IFT140: variants seen among roughly 807,000 people sequenced by gnomAD.
The protein encoded by IFT140 is intraflagellar transport 140.
Under a neutral mutation model 164.6 loss-of-function variants are expected in IFT140, and 133 were observed. The ratio of observed to expected loss-of-function variants is 0.81; its 90% CI spans 0.70 to 0.93. The LOEUF (loss-of-function observed/expected upper bound fraction) is 0.93. Among genes scored for constraint, IFT140 ranks in the 40% least tolerant of loss-of-function variants. IFT140 has a pLI of 0.00. For synonymous variants in IFT140, 860 were observed against 817.3 expected (o/e 1.05, Z -0.89); for missense variants, 2,045 against 1,972.3 (o/e 1.04, Z -0.70).
At chr16:1,575,890 G>A (rs1027763485) in intron 13 of IFT140, among the ~76,000 whole-genome samples, 3 of 152,104 alleles carry the variant, frequency 2.0e-5, no homozygotes, top group African/African-American at 7.2e-5. Flanking sequence ...ACTGGTGCCT[G>A]CACAGCCCCA....
At chr16:1,519,541 G>A (rs1464578227) in intron 29 of IFT140, among the ~76,000 whole-genome samples, 1 of 152,024 alleles carries the variant, frequency 6.6e-6, no homozygotes, top group African/African-American at 2.4e-5. Context: ...GTCACACAGC[G>A]GCACTCACTC....
chr16:1,541,488 C>T (rs2031630698), intron 19 of IFT140: 2 of 985,324 alleles, frequency 2.0e-6, no homozygotes, highest in African/African-American at 3.5e-5. Flanking sequence ...CCCGCGGAGT[C>T]TCCGGTCAGG....
chr16:1,586,408 G>A, intron 9 of IFT140, 133 bp from the exon 10 acceptor site: 1 of 875,916 alleles, frequency 1.1e-6, no homozygotes. Flanking sequence ...CCTCATCCCT[G>A]GCTGCATCTT....
intron 1 of IFT140, among the ~76,000 whole-genome samples, chr16:1,611,110 T>C (rs2036304413): frequency 6.6e-6 from 1 of 152,088 alleles, no homozygotes; most frequent in Non-Finnish European, 1.5e-5. Context: ...TCTGGGAAAG[T>C]CGATGCGCTC....
intron 19 of IFT140, among the ~76,000 whole-genome samples, chr16:1,529,438 C>T (rs111718775): frequency 5.3e-5 from 8 of 152,346 alleles, no homozygotes; most frequent in Non-Finnish European, 8.8e-5. Flanking sequence ...GCTTCCTGGA[C>T]GCTCAGTCGG....
At chr16:1,579,005 G>A (rs952403474) in intron 13 of IFT140, among the ~76,000 whole-genome samples, 3 of 152,154 alleles carry the variant, frequency 2.0e-5, no homozygotes, top group Admixed American at 1.3e-4. Context: ...GAGTTACAGC[G>A]CTCGGCCTTT....
At chr16:1,586,592 T>C (rs2034893029) in intron 9 of IFT140, among the ~76,000 whole-genome samples, 1 of 151,920 alleles carries the variant, frequency 6.6e-6, no homozygotes, top group African/African-American at 2.4e-5. Context: ...TCCTGTGCTC[T>C]GGATGTGCAT....
In IFT140 at chr16:1,602,583, G is replaced by A. The variant is rs759512538; in HGVS notation, c.156C>T (p.Cys52=). 30 of 1,611,426 alleles carry A rather than the reference G, an allele frequency of 1.9e-5. No homozygotes were observed. The highest frequency in any genetic ancestry group is 1.9e-4 in the Middle Eastern group (1 of 5,404). The change falls in exon 4 of 31, where the codon TGC becomes TGT. Residue 52 remains cysteine (C), a synonymous_variant. Transcript: ENST00000426508. The part of the protein sequence containing the change: ...SVDIYLEQGE[C]VPDTHVERPF... ...GCCTCTCGACGTGTGTATCTGGCAC[G>A]CACTCCCCCTGCATTGGATGAGAGG...
intron 18 of IFT140, among the ~76,000 whole-genome samples, chr16:1,561,324 A>C (rs560984550): frequency 6.6e-6 from 1 of 152,368 alleles, no homozygotes; most frequent in South Asian, 2.1e-4. Context: ...GGGACCTTGG[A>C]GACACGGGGA....
In IFT140 at chr16:1,563,423, A is replaced by C. The variant is rs540306877; in HGVS notation, c.2067+574T>G. Among the ~76,000 whole-genome samples the C allele has an allele frequency of 1.6e-3, 241 of 150,608 alleles. 1 individual carries two copies. Among genetic ancestry groups the C allele is most frequent in the African/African-American group, 5.3e-3 (217 of 41,046 alleles). ...AGCTGAGATTGCACCACTGCACTCCAACCTGGGCGACAGAGAGAGACTCAA... is the reference window on the plus strand; with the variant it reads ...AGCTGAGATTGCACCACTGCACTCCCACCTGGGCGACAGAGAGAGACTCAA... On this transcript the variant is annotated intron_variant, in intron 17 of 30. Coordinates refer to ENST00000426508, the MANE Select transcript of IFT140 (RefSeq NM_014714.4).
intron 6 of IFT140, among the ~76,000 whole-genome samples, chr16:1,591,256 C>T (rs994861472): frequency 3.3e-5 from 5 of 152,126 alleles, no homozygotes; most frequent in Admixed American, 1.3e-4. Flanking sequence ...TCTCATTAGC[C>T]TTCCTGGGGG....
chr16:1,524,150 C>G (rs1055273851), intron 24 of IFT140, 194 bp from the exon 25 acceptor site: 3 of 726,706 alleles, frequency 4.1e-6, no homozygotes, highest in South Asian at 1.9e-5. Context: ...GCTCTGGGTT[C>G]TATTTCACAG....
chr16:1,568,015 G>A (rs1038957069), intron 15 of IFT140, among the ~76,000 whole-genome samples: 6 of 152,196 alleles, frequency 3.9e-5, no homozygotes, highest in African/African-American at 1.4e-4. Context: ...ACAGAGGCTG[G>A]GTGAGGACCA....
rs367764759 is a variant in IFT140, at chr16:1,510,903, G to A, written c.*41C>T. On this transcript the variant is annotated 3_prime_UTR_variant, in exon 31 of 31. Transcript: ENST00000426508. ...AGCTGACAAAAAAATTCCAGAAGAT[G>A]CCTTTCTGCAGCAGCACGCTGGTCC... 2 of 1,562,964 alleles carry A rather than the reference G, an allele frequency of 1.3e-6. No homozygotes were observed. Among genetic ancestry groups the A allele is most frequent in the African/African-American group, 1.4e-5 (1 of 73,666 alleles).
At position 1,525,333 on chromosome 16, in the gene IFT140, G is replaced by C. The variant is rs1567329466; in HGVS notation, c.2769-7C>G. On this transcript the variant is annotated splice_polypyrimidine_tract_variant and splice_region_variant and intron_variant, in intron 21 of 30. Coordinates refer to ENST00000426508, the MANE Select transcript of IFT140 (RefSeq NM_014714.4). ...CGTGTCCGACTTCTCGTAGCTGTGA[G>C]AGAAGGAGACAGAGGTCCTCGTTCC... The C allele has an allele frequency of 1.9e-6, 3 of 1,608,734 alleles. No homozygotes were observed. The highest frequency in any genetic ancestry group is 1.7e-6 in the Non-Finnish European group (2 of 1,178,064).
intron 19 of IFT140, among the ~76,000 whole-genome samples, chr16:1,549,764 C>A (rs2032481510): frequency 6.6e-6 from 1 of 152,118 alleles, no homozygotes; most frequent in African/African-American, 2.4e-5. Context: ...ACACAGCTTT[C>A]TAGACTCATG....
At chr16:1,525,630 T>C (rs2040666326) in intron 21 of IFT140, among the ~76,000 whole-genome samples, 1 of 152,228 alleles carries the variant, frequency 6.6e-6, no homozygotes, top group African/African-American at 2.4e-5. Flanking sequence ...GGCCCATCTG[T>C]GCTCGGCAAC....
chr16:1,564,258 C>G lies in IFT140; in HGVS notation c.1902-96G>C, dbSNP rs572634654. 3.0e-5 allele frequency: 34 copies of G among 1,115,612 alleles called. No homozygotes were observed. In the Middle Eastern group the frequency reaches 6.5e-4, roughly 21 times the overall value. The allele number at this position is 1,115,612 out of a possible 1,614,324, so 69.1% of individuals were successfully genotyped here. ...CATTCCCGAAGCCTCCAGGTGCTGT[C>G]CCAGACCATGGTGTCCACGCGCTCA... On this transcript the variant is annotated intron_variant, in intron 16 of 30. Transcript: ENST00000426508. This position sits in a 1 kb window ranked among gnomAD's most constrained non-coding sequence, Gnocchi z 5.5.
chr16:1,577,447 C>T (rs568345461), intron 13 of IFT140: 1 of 152,122 alleles, frequency 6.6e-6, no homozygotes, highest in African/African-American at 2.4e-5. Context: ...GGCTTCCAGT[C>T]AATGGTAGGC....
Sources: gnomAD v4.1 joint callset for allele counts (sites outside exome capture counted in the v4.1 genomes callset) on GRCh38, gnomAD v4.1.1 for gene constraint, Gnocchi (gnomAD v3.1) non-coding constraint, MANE v1.5 for transcripts, NCBI Gene and HGNC (gene_info 2026-07-23, HGNC 2026-07-21) for gene names.